POR: variants seen among roughly 807,000 people sequenced by gnomAD.
The protein encoded by POR is NADPH--cytochrome P450 reductase.
A neutral mutation model predicts 84.0 loss-of-function variants in POR; 56 were observed. The ratio of observed to expected loss-of-function variants is 0.67; its 90% CI spans 0.54 to 0.83. The LOEUF is 0.83. Among genes scored for constraint, POR ranks in the 40% least tolerant of loss-of-function variants. The probability of loss-of-function intolerance (pLI) is 0.00; values close to 1 mark genes in which losing one functional copy is unlikely to be tolerated. For missense variants in POR, 938 were observed against 944.3 expected (o/e 0.99, Z 0.09); for synonymous variants, 414 against 400.5 (o/e 1.03, Z -0.40).
At chr7:75,985,009 C>T (rs374702713) in intron 11 of POR, 49 bp from the exon 12 acceptor site, 22 of 1,578,918 alleles carry the variant, frequency 1.4e-5, no homozygotes, top group Admixed American at 5.1e-5. Flanking sequence ...CGCCGTTTTC[C>T]GAGCTCCGTG....
chr7:75,947,472 T>A (rs1787229933), intron 1 of POR, among the ~76,000 whole-genome samples: 1 of 152,090 alleles, frequency 6.6e-6, no homozygotes, highest in African/African-American at 2.4e-5. Context: ...TTTTTGTATT[T>A]TTAGTAGAGA....
At chr7:75,974,294 C>T (rs1468528980) in intron 3 of POR, among the ~76,000 whole-genome samples, 3 of 152,094 alleles carry the variant, frequency 2.0e-5, no homozygotes, top group Admixed American at 6.6e-5. Context: ...AGCTACAAAT[C>T]GTCCCCGTAG....
intron 1 of POR, among the ~76,000 whole-genome samples, chr7:75,943,142 G>A (rs899671768): frequency 2.0e-5 from 3 of 151,918 alleles, no homozygotes; most frequent in African/African-American, 7.3e-5. Context: ...TAGTAGAGAT[G>A]GGGTTTCACC....
chr7:75,964,836 G>A (rs1196398923), intron 2 of POR, among the ~76,000 whole-genome samples: 2 of 151,794 alleles, frequency 1.3e-5, no homozygotes, highest in African/African-American at 2.4e-5. Context: ...GCCAGCTTGG[G>A]CAACATAGCA....
intron 2 of POR, among the ~76,000 whole-genome samples, chr7:75,964,927 T>G (rs1180965783): frequency 6.6e-6 from 1 of 152,112 alleles, no homozygotes; most frequent in Non-Finnish European, 1.5e-5. Flanking sequence ...TCGCAGCACT[T>G]TGGGAGGCTG....
chr7:75,924,783 GGAGTT>G (rs1197429323), intron 1 of POR, among the ~76,000 whole-genome samples: 2 of 152,176 alleles, frequency 1.3e-5, no homozygotes, highest in Non-Finnish European at 2.9e-5. Context: ...GAAAATAAAA[GGAGTT>G]GAGTGTAACC....
chr7:75,929,340 C>T (rs1256830236), intron 1 of POR, among the ~76,000 whole-genome samples: 2 of 152,060 alleles, frequency 1.3e-5, no homozygotes, highest in African/African-American at 2.4e-5. Flanking sequence ...CTCAGCTCAG[C>T]GCAACCTCCG....
At chr7:75,944,921 A>G (rs1162820337) in intron 1 of POR, among the ~76,000 whole-genome samples, 1 of 152,162 alleles carries the variant, frequency 6.6e-6, no homozygotes, top group Non-Finnish European at 1.5e-5. Flanking sequence ...GACTAATAAC[A>G]AAAGATCTGA....
intron 3 of POR, among the ~76,000 whole-genome samples, chr7:75,976,131 A>G (rs1482352555): frequency 1.3e-5 from 2 of 152,070 alleles, no homozygotes; most frequent in African/African-American, 4.8e-5. Flanking sequence ...GGTATTTTAT[A>G]TATTTTGATG....
intron 1 of POR, among the ~76,000 whole-genome samples, chr7:75,933,260 T>G (rs1807503317): frequency 6.6e-6 from 1 of 151,914 alleles, no homozygotes; most frequent in African/African-American, 2.4e-5. Context: ...AATTAACATA[T>G]GCATTACCTC....
chr7:75,967,963 C>T (rs552024428), intron 2 of POR: 2 of 440,906 alleles, frequency 4.5e-6, no homozygotes, highest in Admixed American at 4.7e-5. Flanking sequence ...AACTTCCTCA[C>T]CAGTACGGAA....
intron 1 of POR, among the ~76,000 whole-genome samples, chr7:75,934,314 C>T (rs1407874603): frequency 6.6e-6 from 1 of 152,026 alleles, no homozygotes; most frequent in Admixed American, 6.6e-5. Flanking sequence ...CCCGAGGCAA[C>T]AGAGTGAACA....
chr7:75,918,356 A>G (rs146157636), intron 1 of POR, among the ~76,000 whole-genome samples: 46 of 152,108 alleles, frequency 3.0e-4, no homozygotes, highest in Non-Finnish European at 4.4e-5. Context: ...CAGTTTTGTC[A>G]TCTGGCATTG....
At chr7:75,927,551 G>A (rs1807192563) in intron 1 of POR, among the ~76,000 whole-genome samples, 1 of 152,118 alleles carries the variant, frequency 6.6e-6, no homozygotes, top group Non-Finnish European at 1.5e-5. Context: ...CCTTTTGAGG[G>A]TATGAAGATG....
intron 3 of POR, among the ~76,000 whole-genome samples, chr7:75,978,170 A>G (rs1378947362): frequency 2.0e-5 from 3 of 152,212 alleles, no homozygotes; most frequent in African/African-American, 7.2e-5. Context: ...GCCTGTGGGT[A>G]TAGAAAGAAA....
chr7:75,948,663 G>C (rs1787285703), intron 1 of POR, among the ~76,000 whole-genome samples: 1 of 152,200 alleles, frequency 6.6e-6, no homozygotes, highest in Non-Finnish European at 1.5e-5. Flanking sequence ...TGCCAATCCA[G>C]GTACCCGAAA....
chr7:75,923,338 C>T, intron 1 of POR: 1 of 904,522 alleles, frequency 1.1e-6, no homozygotes, highest in Non-Finnish European at 1.8e-6. Flanking sequence ...TTCCACCTCT[C>T]AGTGGACTGT....
chr7:75,921,525 G>A (rs1251301681), intron 1 of POR, among the ~76,000 whole-genome samples: 2 of 152,078 alleles, frequency 1.3e-5, no homozygotes, highest in African/African-American at 4.8e-5. Flanking sequence ...GCCTCCCAAA[G>A]TGCTGGGATT....
chr7:75,985,318 T>C, intron 12 of POR, 111 bp downstream of exon 12: 1 of 1,371,740 alleles, frequency 7.3e-7, no homozygotes. Context: ...TGAGCTCCAG[T>C]TCCAGCCCCA....
Sources: allele counts gnomAD v4.1 joint callset (sites outside exome capture counted in the v4.1 genomes callset), GRCh38; gene constraint gnomAD v4.1.1; transcripts MANE v1.5; gene names NCBI Gene and HGNC (gene_info 2026-07-23, HGNC 2026-07-21).